NRG3: variants seen among roughly 807,000 people sequenced by gnomAD.
The protein encoded by NRG3 is neuregulin 3, also known as pro-neuregulin-3, membrane-bound isoform.
A neutral mutation model predicts 66.9 loss-of-function variants in NRG3; 31 were observed. The observed-to-expected ratio is 0.46, with a 90% CI of 0.35 to 0.63. The LOEUF is 0.63. NRG3 is among the 20% of genes least tolerant of loss of function. The probability of loss-of-function intolerance (pLI) is 0.00; values close to 1 mark genes in which losing one functional copy is unlikely to be tolerated. For missense variants in NRG3, 910 were observed against 878.9 expected (o/e 1.04, Z -0.45); for synonymous variants, 393 against 359.4 (o/e 1.09, Z -1.06).
At chr10:82,097,825 TGTG>T (rs1471444440) in intron 1 of NRG3, among the ~76,000 whole-genome samples, 2 of 152,128 alleles carry the variant, frequency 1.3e-5, no homozygotes, top group Admixed American at 1.3e-4. Context: ...AGTAGTATGT[TGTG>T]GTTTTAATTT....
chr10:81,891,823 T>G (rs534707783), intron 1 of NRG3, among the ~76,000 whole-genome samples: 1 of 152,254 alleles, frequency 6.6e-6, no homozygotes, highest in South Asian at 2.1e-4. Context: ...CTTCTGTAAA[T>G]GAGGCTGTTG....
chr10:82,224,373 A>C (rs952070479), intron 1 of NRG3: 1 of 152,332 alleles, frequency 6.6e-6, no homozygotes, highest in African/African-American at 2.4e-5. Flanking sequence ...GAACATAAAA[A>C]GTAAATACAT....
intron 1 of NRG3, among the ~76,000 whole-genome samples, chr10:81,982,544 A>C (rs2060368222): frequency 6.6e-6 from 1 of 152,210 alleles, no homozygotes. Flanking sequence ...ACAGACAACA[A>C]AAATGTATTT....
chr10:82,121,365 G>A (rs1046536496), intron 1 of NRG3, among the ~76,000 whole-genome samples: 2 of 152,178 alleles, frequency 1.3e-5, no homozygotes, highest in East Asian at 1.9e-4. Flanking sequence ...GTAAGCAATT[G>A]ACTTGATCAA....
At position 82,985,864 on chromosome 10, in the gene NRG3, T is replaced by C. The variant is rs899447167; in HGVS notation, c.*259T>C. Reference sequence around the variant, plus strand: ...TCGTTTAGTCCCAACACTGTCCTCTTTGGCTCTTAGAAGATGTGGGCAATT... The same window carrying C: ...TCGTTTAGTCCCAACACTGTCCTCTCTGGCTCTTAGAAGATGTGGGCAATT... On this transcript the variant is annotated 3_prime_UTR_variant, in exon 9 of 9. Transcript: ENST00000372141. The C allele has an allele frequency of 5.5e-6, 2 of 361,670 alleles. No homozygotes were observed. The highest frequency in any genetic ancestry group is 4.2e-5 in the African/African-American group (2 of 47,346). The allele number at this position is 361,670 out of a possible 1,614,324, so 22.4% of individuals were successfully genotyped here.
At chr10:82,663,109 T>C (rs1031755889) in intron 2 of NRG3, among the ~76,000 whole-genome samples, 1 of 152,200 alleles carries the variant, frequency 6.6e-6, no homozygotes, top group Non-Finnish European at 1.5e-5. Context: ...GATAGGTAAC[T>C]AGCAGTCTCT....
intron 1 of NRG3, among the ~76,000 whole-genome samples, chr10:82,339,969 A>G (rs1231908022): frequency 2.0e-5 from 3 of 152,162 alleles, no homozygotes; most frequent in Non-Finnish European, 4.4e-5. Context: ...TCCATCTTTT[A>G]AAGTACTTTA....
At chr10:81,936,659 C>T (rs866619427) in intron 1 of NRG3, among the ~76,000 whole-genome samples, 5 of 151,930 alleles carry the variant, frequency 3.3e-5, no homozygotes, top group Admixed American at 6.6e-5. Context: ...GGTTTTGCTC[C>T]GTAAGGTGGT....
chr10:82,284,278 C>T (rs755127559), intron 1 of NRG3, among the ~76,000 whole-genome samples: 9 of 152,208 alleles, frequency 5.9e-5, no homozygotes, highest in Non-Finnish European at 1.2e-4. Context: ...ACTTTGATTT[C>T]ATACCGCAGA....
intron 1 of NRG3, among the ~76,000 whole-genome samples, chr10:82,101,503 C>T (rs1388538377): frequency 6.6e-6 from 1 of 151,716 alleles, no homozygotes; most frequent in African/African-American, 2.4e-5. Flanking sequence ...ATTAATTTAG[C>T]TGTCCCACAT....
chr10:82,367,716 C>T (rs111899311), intron 2 of NRG3, among the ~76,000 whole-genome samples: 8 of 152,100 alleles, frequency 5.3e-5, no homozygotes, highest in East Asian at 3.9e-4. Context: ...TATTCTTGAC[C>T]GAACGTGGTG....
intron 2 of NRG3, among the ~76,000 whole-genome samples, chr10:82,530,066 G>A (rs1050476758): frequency 6.6e-6 from 1 of 152,042 alleles, no homozygotes; most frequent in Non-Finnish European, 1.5e-5. Flanking sequence ...AAAAGTTTAG[G>A]GAGTTCATTC....
intron 1 of NRG3, among the ~76,000 whole-genome samples, chr10:82,019,347 A>G (rs945812938): frequency 2.0e-5 from 3 of 152,156 alleles, no homozygotes; most frequent in African/African-American, 7.2e-5. Flanking sequence ...CCAGTATTTT[A>G]TTGAGGATTT....
At chr10:82,651,128 T>C (rs2051380016) in intron 2 of NRG3, among the ~76,000 whole-genome samples, 1 of 152,218 alleles carries the variant, frequency 6.6e-6, no homozygotes, top group African/African-American at 2.4e-5. Flanking sequence ...CAACTATTTG[T>C]AGTGCACTCA....
At chr10:82,689,189 T>G (rs1416266087) in intron 2 of NRG3, among the ~76,000 whole-genome samples, 1 of 152,172 alleles carries the variant, frequency 6.6e-6, no homozygotes, top group Non-Finnish European at 1.5e-5. Flanking sequence ...ACAGCTTGAT[T>G]TTTTGAGAGG....
chr10:82,003,469 A>G (rs2061251862), intron 1 of NRG3, among the ~76,000 whole-genome samples: 1 of 152,204 alleles, frequency 6.6e-6, no homozygotes, highest in African/African-American at 2.4e-5. Flanking sequence ...TTCCTCAGGT[A>G]AAGTAAAGAA....
intron 4 of NRG3, among the ~76,000 whole-genome samples, chr10:82,904,314 C>A (rs1224419283): frequency 6.6e-6 from 1 of 152,154 alleles, no homozygotes; most frequent in Non-Finnish European, 1.5e-5. Context: ...AAAGACTGGA[C>A]ACCCCTGGTG....
chr10:81,882,493 C>T (rs370538087), intron 1 of NRG3, among the ~76,000 whole-genome samples: 1 of 152,068 alleles, frequency 6.6e-6, no homozygotes, highest in East Asian at 1.9e-4. Context: ...GCCGTGAATT[C>T]TATAATAGCT....
At chr10:82,579,495 G>A (rs983579270) in intron 2 of NRG3, among the ~76,000 whole-genome samples, 86 of 151,852 alleles carry the variant, frequency 5.7e-4, no homozygotes, top group African/African-American at 2.0e-3. Flanking sequence ...AACCTGTCAG[G>A]CTTTCACAAT....
Sources: gnomAD v4.1 joint callset for allele counts (sites outside exome capture counted in the v4.1 genomes callset) on GRCh38, gnomAD v4.1.1 for gene constraint, MANE v1.5 for transcripts, NCBI Gene and HGNC (gene_info 2026-07-23, HGNC 2026-07-21) for gene names.